Variants in CLEC16A observed in about 807,000 individuals in gnomAD.
The protein encoded by CLEC16A is protein CLEC16A.
A neutral mutation model predicts 109.5 loss-of-function variants in CLEC16A; 51 were observed. That is an observed-to-expected ratio of 0.47 (90% CI 0.37 to 0.59). The LOEUF (loss-of-function observed/expected upper bound fraction) is 0.59, where lower values mean the gene tolerates loss of function less well. Ranked by LOEUF, CLEC16A falls within the 20% of genes least tolerant of loss-of-function variation. The pLI, the probability that CLEC16A is intolerant of heterozygous loss-of-function variation, is 0.00. For synonymous variants in CLEC16A, 673 were observed against 564.2 expected (o/e 1.19, Z -2.73); for missense variants, 1,339 against 1,394.0 (o/e 0.96, Z 0.63).
At chr16:11,159,720 T>G (rs949528067) in intron 22 of CLEC16A, among the ~76,000 whole-genome samples, 6 of 117,320 alleles carry the variant, frequency 5.1e-5, no homozygotes, top group African/African-American at 2.0e-4. Flanking sequence ...AGATCGCCTG[T>G]TTTTTTCCCT....
At chr16:11,075,982 G>T (rs541915219) in intron 19 of CLEC16A, among the ~76,000 whole-genome samples, 8 of 152,132 alleles carry the variant, frequency 5.3e-5, no homozygotes, top group African/African-American at 1.9e-4. Context: ...TCATCCCTGT[G>T]ACCAAGCTCT....
chr16:11,068,529 T>A (rs144410674), intron 19 of CLEC16A, among the ~76,000 whole-genome samples: 3 of 152,350 alleles, frequency 2.0e-5, no homozygotes, highest in Admixed American at 6.5e-5. Context: ...TGTACTCAGC[T>A]ACCTGCCCAA....
intron 19 of CLEC16A, among the ~76,000 whole-genome samples, chr16:11,062,222 G>T (rs999513976): frequency 6.6e-6 from 1 of 152,174 alleles, no homozygotes; most frequent in Non-Finnish European, 1.5e-5. Flanking sequence ...AGCCACCAAA[G>T]AAGGGATGGT....
intron 10 of CLEC16A, among the ~76,000 whole-genome samples, chr16:10,993,207 G>C (rs1050353141): frequency 2.6e-5 from 4 of 152,016 alleles, no homozygotes; most frequent in African/African-American, 7.3e-5. Context: ...GTAAGACCCT[G>C]TCTCTTCAAA....
At chr16:11,142,727 T>C (rs79942375) in intron 22 of CLEC16A, among the ~76,000 whole-genome samples, 66 of 152,350 alleles carry the variant, frequency 4.3e-4, no homozygotes, top group African/African-American at 1.6e-3. Flanking sequence ...GGGACTTCTT[T>C]AGCTTATTGT....
chr16:10,992,553 AAG>A (rs1473912703), intron 10 of CLEC16A, among the ~76,000 whole-genome samples: 1 of 82,300 alleles, frequency 1.2e-5, no homozygotes, highest in African/African-American at 2.8e-5. Context: ...AAAAAAGAAA[AAG>A]ATAACATTAA....
chr16:11,163,312 A>G (rs770258161), intron 22 of CLEC16A, among the ~76,000 whole-genome samples: 8 of 151,420 alleles, frequency 5.3e-5, no homozygotes, highest in African/African-American at 9.8e-5. Context: ...AAAATAAAGG[A>G]AAAAAAAAGC....
chr16:11,007,081 G>A (rs1048927624), intron 11 of CLEC16A, among the ~76,000 whole-genome samples: 1 of 152,204 alleles, frequency 6.6e-6, no homozygotes, highest in Non-Finnish European at 1.5e-5. Context: ...ACTTAGAGCA[G>A]TAACTTAATA....
At position 11,145,960 on chromosome 16, in the gene CLEC16A, C is replaced by T. The variant is rs142235711; in HGVS notation, c.2641+19814C>T. ...CTTCCTGACACTAACCTCACCCCCG[C>T]CATGGTCCCCTTGGCCCACTTCAAG... On this transcript the variant is annotated intron_variant, in intron 22 of 23. Transcript: ENST00000409790. Among the ~76,000 whole-genome samples the T allele has an allele frequency of 3.9e-5, 6 of 152,344 alleles. No individual in the cohort carries two copies. The East Asian group carries it at 1.2e-3, about 29-fold the overall frequency.
At chr16:10,951,267 C>A (rs890454254) in intron 1 of CLEC16A, among the ~76,000 whole-genome samples, 13 of 152,176 alleles carry the variant, frequency 8.5e-5, no homozygotes, top group Non-Finnish European at 1.6e-4. Context: ...CTGCAGAGCT[C>A]CTGCTGGGGA....
At position 11,039,888 on chromosome 16, in the gene CLEC16A, G is replaced by C. The variant is rs769526070; in HGVS notation, c.1660+12G>C. 1 of 1,611,152 alleles carries C rather than the reference G, an allele frequency of 6.2e-7. No individual in the cohort carries two copies. Among genetic ancestry groups the C allele is most frequent in the East Asian group, 2.2e-5 (1 of 44,756 alleles). ...CGCTGCCCAGCCAGGTGCCCACTTG[G>C]GGTGTTGTCTGTCCACAGGGCCACG... is the stretch of plus-strand genomic sequence containing the variant. On this transcript the variant is annotated intron_variant, in intron 14 of 23. Transcript: ENST00000409790.
intron 18 of CLEC16A, 126 bp from the exon 19 acceptor site, chr16:11,060,776 A>T (rs1354430964): frequency 1.0e-6 from 1 of 968,208 alleles, no homozygotes; most frequent in Non-Finnish European, 1.4e-6. Flanking sequence ...ACACCCGAAG[A>T]GGTGGGCTTT....
chr16:10,979,251 G>T, intron 8 of CLEC16A, 78 bp from the exon 9 acceptor site: 3 of 1,343,904 alleles, frequency 2.2e-6, no homozygotes, highest in South Asian at 2.5e-5. Context: ...CACACAGAAG[G>T]CTTTTGGCTT....
chr16:11,171,900 A>T (rs1375994207), intron 23 of CLEC16A, among the ~76,000 whole-genome samples: 1 of 152,084 alleles, frequency 6.6e-6, no homozygotes, highest in Non-Finnish European at 1.5e-5. Context: ...ACAAATGTGC[A>T]TACATAGTCA....
intron 13 of CLEC16A, among the ~76,000 whole-genome samples, chr16:11,029,819 A>G (rs1054477359): frequency 2.0e-5 from 3 of 152,206 alleles, no homozygotes; most frequent in African/African-American, 7.2e-5. Context: ...TACCCGTGAA[A>G]TCATCACCAT....
rs757381242 is a variant in CLEC16A at position 10,979,379 on chromosome 16, A to G, written c.954A>G (p.Ser318=). ...TGCCGGTGTCTCTTTATCTTCTGTC[A>G]CAGGTATGCTTGATCATTCACCAAT... ...ISLPVSLYLL[S]QVFLIIHHAP... The change falls in exon 9 of 24, where the codon TCA becomes TCG. Residue 318 remains serine (S), a synonymous_variant. Coordinates refer to ENST00000409790, the MANE Select transcript of CLEC16A (RefSeq NM_015226.3). 4 of 1,612,758 alleles carry G rather than the reference A, an allele frequency of 2.5e-6. No individual in the cohort carries two copies. The highest frequency in any genetic ancestry group is 1.6e-4 in the Middle Eastern group (1 of 6,082).
At chr16:11,122,747 CT>C (rs2052518615) in intron 20 of CLEC16A, among the ~76,000 whole-genome samples, 2 of 152,228 alleles carry the variant, frequency 1.3e-5, no homozygotes, top group South Asian at 4.2e-4. Flanking sequence ...CACCTCAAAC[CT>C]TCATGGGAGT....
chr16:11,167,133 G>C (rs558220956), intron 23 of CLEC16A, among the ~76,000 whole-genome samples: 1 of 152,244 alleles, frequency 6.6e-6, no homozygotes, highest in Non-Finnish European at 1.5e-5. Context: ...GCCTGGAATG[G>C]GACATGCACC....
rs964400272 is a variant in CLEC16A, at chr16:11,038,096, C to G, written c.1538-1658C>G. Reference sequence around the variant, plus strand: ...CTCAAGTCTTTAGGCCGTCCCTCACCCAGGTCATCTCCTTGGTATGACTTA... The same window carrying G: ...CTCAAGTCTTTAGGCCGTCCCTCACGCAGGTCATCTCCTTGGTATGACTTA... On this transcript the variant is annotated intron_variant, in intron 13 of 23. Coordinates refer to ENST00000409790, the MANE Select transcript of CLEC16A (RefSeq NM_015226.3). Among the ~76,000 whole-genome samples the G allele has an allele frequency of 2.6e-5, 4 of 152,230 alleles. No individual in the cohort carries two copies. In the South Asian group the frequency reaches 8.3e-4, roughly 32 times the overall value.
Sources: gnomAD v4.1 joint callset for allele counts (sites outside exome capture counted in the v4.1 genomes callset) on GRCh38, gnomAD v4.1.1 for gene constraint, MANE v1.5 for transcripts, NCBI Gene and HGNC (gene_info 2026-07-23, HGNC 2026-07-21) for gene names.